Variants in TNKS observed in about 807,000 individuals in gnomAD.
The protein encoded by TNKS is tankyrase, also known as poly [ADP-ribose] polymerase tankyrase-1.
A neutral mutation model predicts 135.8 loss-of-function variants in TNKS; 72 were observed. The ratio of observed to expected loss-of-function variants is 0.53; its 90% confidence interval spans 0.44 to 0.64. The LOEUF is 0.64. Ranked by LOEUF, TNKS falls within the 30% of genes least tolerant of loss-of-function variation. The probability of loss-of-function intolerance (pLI) is 0.00; values close to 1 mark genes in which losing one functional copy is unlikely to be tolerated. For missense variants in TNKS, 1,769 were observed against 1,674.0 expected (o/e 1.06, Z -0.99); for synonymous variants, 849 against 649.3 (o/e 1.31, Z -4.68).
chr8:9,733,656 C>A (rs983742990), intron 15 of TNKS, among the ~76,000 whole-genome samples: 5 of 152,106 alleles, frequency 3.3e-5, no homozygotes, highest in Non-Finnish European at 5.9e-5. Flanking sequence ...AAGTCCATGT[C>A]ATAAAAATTC....
chr8:9,778,038 C>T lies in TNKS; in HGVS notation c.*1302C>T, dbSNP rs1018170827. 6.6e-5 allele frequency: 10 copies of T among 152,490 alleles called. No individual in the cohort carries two copies. In the East Asian group the frequency reaches 1.9e-3, roughly 29 times the overall value. The allele number at this position is 152,490 out of a possible 1,614,324, so 9.4% of individuals were successfully genotyped here. On this transcript the variant is annotated 3_prime_UTR_variant, in exon 27 of 27. Coordinates refer to ENST00000310430, the MANE Select transcript of TNKS (RefSeq NM_003747.3). ...GAGAACAAAAATTGAAACCAAAGCC[C>T]TTTCTGTTATTTTTTCAATGAAGGT...
intron 2 of TNKS, among the ~76,000 whole-genome samples, chr8:9,593,401 C>G (rs1798659293): frequency 6.6e-6 from 1 of 152,194 alleles, no homozygotes; most frequent in Admixed American, 6.5e-5. Context: ...GTTCTGTTCA[C>G]ACAGTGGGCT....
chr8:9,587,452 T>C lies in TNKS; in HGVS notation c.898+7069T>C, dbSNP rs1410315855. On this transcript the variant is annotated intron_variant, in intron 2 of 26. Coordinates refer to ENST00000310430, the MANE Select transcript of TNKS (RefSeq NM_003747.3). Reference sequence around the variant, plus strand: ...TCTCGCTCTGTCGCCCAGGCTGGAGTGCAGTGGCACAGTCTCGGCTCACTG... The same window carrying C: ...TCTCGCTCTGTCGCCCAGGCTGGAGCGCAGTGGCACAGTCTCGGCTCACTG... Among the ~76,000 whole-genome samples, 4 of 150,212 alleles carry C rather than the reference T, an allele frequency of 2.7e-5. No individual in the cohort carries two copies. In the East Asian group the frequency reaches 5.9e-4, roughly 22 times the overall value.
At chr8:9,728,879 A>AG (rs1293504729) in intron 13 of TNKS, among the ~76,000 whole-genome samples, 2 of 152,126 alleles carry the variant, frequency 1.3e-5, no homozygotes, top group African/African-American at 4.8e-5. Context: ...CCACTTAAAA[A>AG]GCGCTTGTTT....
Position 9,580,225 on chromosome 8 carries a change from A to T in TNKS, c.740A>T (p.Asp247Val), listed in dbSNP as rs1429409126. 6.2e-7 allele frequency: 1 copy of T among 1,614,156 alleles called. No homozygotes were observed. The highest frequency in any genetic ancestry group is 8.5e-7 in the Non-Finnish European group (1 of 1,180,034). Residue 247 changes from aspartate (D) to valine (V), a missense_variant, in exon 2 of 27, where the codon GAT becomes GTT. Physicochemically the swap from Asp to Val is radical, Grantham distance 152. Transcript: ENST00000310430. Reference protein sequence around the residue: ...QMGANVHARDDGGLIPLHNAC... With the variant: ...QMGANVHARDVGGLIPLHNAC... ...GGTGCTAATGTCCACGCTCGTGATG[A>T]TGGAGGTCTCATCCCGCTTCATAAT...
At chr8:9,657,645 G>C (rs1465650699) in intron 3 of TNKS, among the ~76,000 whole-genome samples, 11 of 84,618 alleles carry the variant, frequency 1.3e-4, no homozygotes, top group African/African-American at 4.2e-4. Context: ...CTGGCCGGGT[G>C]GGGGGGCTGA....
At chr8:9,662,461 T>A (rs556647022) in intron 3 of TNKS, among the ~76,000 whole-genome samples, 5 of 152,250 alleles carry the variant, frequency 3.3e-5, no homozygotes, top group African/African-American at 1.2e-4. Flanking sequence ...TGGATGAAGC[T>A]GGAAACCATC....
chr8:9,582,331 G>C (rs1334409886), intron 2 of TNKS, among the ~76,000 whole-genome samples: 1 of 151,402 alleles, frequency 6.6e-6, no homozygotes, highest in Non-Finnish European at 1.5e-5. Context: ...TTGTTTGTTT[G>C]TTTTCCTTTT....
intron 14 of TNKS, among the ~76,000 whole-genome samples, chr8:9,732,717 T>C (rs1305564927): frequency 6.6e-6 from 1 of 152,218 alleles, no homozygotes; most frequent in African/African-American, 2.4e-5. Context: ...AATCAGAGCT[T>C]AGACTCCTCT....
chr8:9,695,045 A>T (rs1368520873), intron 5 of TNKS, among the ~76,000 whole-genome samples: 1 of 152,212 alleles, frequency 6.6e-6, no homozygotes, highest in African/African-American at 2.4e-5. Flanking sequence ...AGATAACAAC[A>T]TATATTTTAT....
At position 9,734,943 on chromosome 8, in the gene TNKS, C is replaced by G. The variant is rs780401526; in HGVS notation, c.2392C>G (p.Gln798Glu). The change falls in exon 16 of 27, where the codon CAG (glutamine) becomes GAG (glutamate). Residue 798 changes from glutamine (Q) to glutamate (E), a missense_variant. Coordinates refer to ENST00000310430, the MANE Select transcript of TNKS (RefSeq NM_003747.3). The part of the protein sequence containing the change: ...DLVKEGDTDI[Q>E]DLLRGDAALL... Reference sequence around the variant, plus strand: ...GGTAAAGGAAGGAGACACAGATATTCAGGACTTACTGAGAGGGGATGCTGC... The same window carrying G: ...GGTAAAGGAAGGAGACACAGATATTGAGGACTTACTGAGAGGGGATGCTGC... The G allele has an allele frequency of 3.1e-6, 5 of 1,614,158 alleles. 1 individual carries two copies. In the South Asian group the frequency reaches 3.3e-5, roughly 11 times the overall value.
At chr8:9,752,984 AAGAC>A (rs1472814737) in intron 20 of TNKS, among the ~76,000 whole-genome samples, 1 of 151,838 alleles carries the variant, frequency 6.6e-6, no homozygotes, top group African/African-American at 2.4e-5. Flanking sequence ...AAAAAAAAGA[AAGAC>A]TTATTAATTG....
intron 3 of TNKS, among the ~76,000 whole-genome samples, chr8:9,663,306 G>T (rs1801821193): frequency 6.6e-6 from 1 of 152,108 alleles, no homozygotes; most frequent in Non-Finnish European, 1.5e-5. Context: ...ACCTTTTGTT[G>T]CCCAGTTACC....
chr8:9,556,341 C>G lies in TNKS; in HGVS notation c.402C>G (p.Ser134=), dbSNP rs377697995. 3.1e-6 allele frequency: 5 copies of G among 1,614,122 alleles called. No individual in the cohort carries two copies. Among genetic ancestry groups the G allele is most frequent in the African/African-American group, 1.3e-5 (1 of 74,934 alleles). Residue 134 remains serine (S), a synonymous_variant, in exon 1 of 27, where the codon TCC becomes TCG. Transcript: ENST00000310430. The part of the protein sequence containing the change: ...GSNNSPSSSS[S]PTSSSSSSPS... ...ACAATTCACCGTCGTCCTCTTCTTC[C>G]CCGACTTCTTCCTCATCTTCCTCTC...
rs1226646179 is a variant in TNKS, at chr8:9,739,071, A to C, written c.2643+3585A>C. Among the ~76,000 whole-genome samples, 112 of 149,564 alleles carry C rather than the reference A, an allele frequency of 7.5e-4. 1 individual carries two copies. The highest frequency in any genetic ancestry group is 9.8e-4 in the Non-Finnish European group (66 of 67,300). On this transcript the variant is annotated intron_variant, in intron 17 of 26. Transcript: ENST00000310430. ...TGACAAATGGGATCTAATTAAACTA[A>C]AGAGCTTCTGCACAGCAAAAGAAAC...
chr8:9,749,644 T>C (rs888566338), intron 18 of TNKS, among the ~76,000 whole-genome samples: 1 of 151,984 alleles, frequency 6.6e-6, no homozygotes, highest in Admixed American at 6.6e-5. Flanking sequence ...CTGGCTATTT[T>C]TTTTGTTTTT....
At chr8:9,753,502 T>A (rs992443335) in intron 20 of TNKS, among the ~76,000 whole-genome samples, 2 of 152,242 alleles carry the variant, frequency 1.3e-5, no homozygotes, top group African/African-American at 4.8e-5. Flanking sequence ...TTAGGGCATT[T>A]ATGAATTAGG....
At chr8:9,665,263 G>T (rs867409711) in intron 3 of TNKS, among the ~76,000 whole-genome samples, 5 of 152,170 alleles carry the variant, frequency 3.3e-5, no homozygotes, top group African/African-American at 1.2e-4. Context: ...TCAGTTTTTA[G>T]TCTTTCTTCA....
At chr8:9,725,281 T>C (rs1376086818) in intron 12 of TNKS, among the ~76,000 whole-genome samples, 2 of 152,188 alleles carry the variant, frequency 1.3e-5, no homozygotes, top group African/African-American at 4.8e-5. Context: ...AAAAGGAATA[T>C]AAAGATGAGC....
Sources: allele counts gnomAD v4.1 joint callset (sites outside exome capture counted in the v4.1 genomes callset), GRCh38; gene constraint gnomAD v4.1.1; transcripts MANE v1.5; gene names NCBI Gene and HGNC (gene_info 2026-07-23, HGNC 2026-07-21).